Variants in HS6ST2 observed in about 807,000 individuals in gnomAD.
The protein encoded by HS6ST2 is heparan-sulfate 6-O-sulfotransferase 2.
Under a neutral mutation model 33.0 loss-of-function variants are expected in HS6ST2, and 17 were observed. The ratio of observed to expected loss-of-function variants is 0.52; its 90% confidence interval spans 0.35 to 0.77. The LOEUF is 0.77. Ranked by LOEUF, HS6ST2 falls within the 30% of genes least tolerant of loss-of-function variation. The pLI is 0.01. For missense variants in HS6ST2, 519 were observed against 551.7 expected (o/e 0.94, Z 0.59); for synonymous variants, 248 against 237.1 (o/e 1.05, Z -0.42).
At chrX:132,945,008 T>C (rs2066932758) in intron 2 of HS6ST2, among the ~76,000 whole-genome samples, 1 of 111,604 alleles carries the variant, frequency 9.0e-6, no homozygotes, top group Non-Finnish European at 1.9e-5. Flanking sequence ...ACAAATGATA[T>C]CTAATTAAAC....
intron 2 of HS6ST2, among the ~76,000 whole-genome samples, chrX:132,734,632 A>C (rs1216901655): frequency 8.9e-6 from 1 of 111,804 alleles, no homozygotes; most frequent in East Asian, 2.8e-4. Flanking sequence ...TCCTGGTTGT[A>C]ATAGGCACTC....
intron 3 of HS6ST2, among the ~76,000 whole-genome samples, chrX:132,690,246 T>C (rs1208236916): frequency 8.9e-6 from 1 of 112,368 alleles, no homozygotes; most frequent in African/African-American, 3.2e-5. Flanking sequence ...TTACTGGCCA[T>C]ACCAAAAACA....
chrX:132,799,179 T>C (rs147351855), intron 2 of HS6ST2, among the ~76,000 whole-genome samples: 1,377 of 110,092 alleles, frequency 0.013, 22 homozygotes, highest in African/African-American at 0.044. Context: ...TTGGGAAAAA[T>C]TGCAATGTTC....
chrX:132,880,710 G>C (rs1323373578), intron 2 of HS6ST2, among the ~76,000 whole-genome samples: 1 of 106,562 alleles, frequency 9.4e-6, no homozygotes, highest in Admixed American at 1.0e-4. Context: ...CATGTGCCAT[G>C]TTGGTGTGCT....
intron 2 of HS6ST2, among the ~76,000 whole-genome samples, chrX:132,884,775 G>A (rs1410650848): frequency 9.0e-6 from 1 of 111,378 alleles, no homozygotes; most frequent in Non-Finnish European, 1.9e-5. Flanking sequence ...CTAACAGCAT[G>A]GACTCAGAGG....
chrX:132,712,898 G>A (rs1377036943), intron 2 of HS6ST2, among the ~76,000 whole-genome samples: 2 of 110,628 alleles, frequency 1.8e-5, no homozygotes, highest in African/African-American at 6.6e-5. Flanking sequence ...GGTGGCAGGC[G>A]CCTGTATTCC....
chrX:132,816,273 C>A (rs1215296231), intron 2 of HS6ST2, among the ~76,000 whole-genome samples: 1 of 111,996 alleles, frequency 8.9e-6, no homozygotes. Context: ...GTTCTTCACA[C>A]TGTTTGAATT....
intron 2 of HS6ST2, among the ~76,000 whole-genome samples, chrX:132,777,572 A>G (rs1385365254): frequency 2.9e-5 from 3 of 105,184 alleles, no homozygotes; most frequent in Non-Finnish European, 5.8e-5. Flanking sequence ...CTGAGATTAC[A>G]GGCATGCCAC....
At chrX:132,811,664 AC>A (rs2065345445) in intron 2 of HS6ST2, among the ~76,000 whole-genome samples, 1 of 31,783 alleles carries the variant, frequency 3.1e-5, no homozygotes, top group Non-Finnish European at 5.0e-5. Flanking sequence ...CTGTGTCAGA[AC>A]TTTGTTTTAA....
chrX:132,949,935 C>T (rs1442971449), intron 2 of HS6ST2, among the ~76,000 whole-genome samples: 1 of 110,792 alleles, frequency 9.0e-6, no homozygotes, highest in Non-Finnish European at 1.9e-5. Context: ...CTCTTTTTCT[C>T]TTAGCATTAA....
intron 2 of HS6ST2, among the ~76,000 whole-genome samples, chrX:132,728,210 CAA>C (rs1233443802): frequency 3.6e-5 from 4 of 111,965 alleles, no homozygotes; most frequent in African/African-American, 1.3e-4. Context: ...GAGAAACTGC[CAA>C]AGTGTTTTCC....
At chrX:132,755,027 T>C (rs188229859) in intron 2 of HS6ST2, among the ~76,000 whole-genome samples, 1 of 111,660 alleles carries the variant, frequency 9.0e-6, no homozygotes, top group Admixed American at 9.5e-5. Context: ...TATACTCTTT[T>C]ACAAGGAAGT....
rs770900735 is a variant in HS6ST2, at chrX:132,655,133, T to C, written c.1067+13980A>G. On this transcript the variant is annotated intron_variant, in intron 4 of 4. Transcript: ENST00000370833. ...CCTCCTTCTTTCACATCCACCTCTC[T>C]ATGCCCACCCTGCCCCAGCATCTGG... Among the ~76,000 whole-genome samples the C allele has an allele frequency of 1.1e-4, 12 of 112,286 alleles. No homozygotes were observed. The East Asian group carries it at 2.8e-3, about 26-fold the overall frequency.
chrX:132,641,776 T>C (rs1489164182), intron 4 of HS6ST2, among the ~76,000 whole-genome samples: 3 of 112,971 alleles, frequency 2.7e-5, no homozygotes, highest in Non-Finnish European at 5.6e-5. Flanking sequence ...CATTTGTGCC[T>C]GAGCACAGCC....
intron 2 of HS6ST2, among the ~76,000 whole-genome samples, chrX:132,731,580 G>A (rs1375545519): frequency 9.0e-6 from 1 of 111,365 alleles, no homozygotes. Context: ...AGGCGCAGTG[G>A]CTCACGCCTA....
intron 2 of HS6ST2, among the ~76,000 whole-genome samples, chrX:132,721,948 G>T (rs768967037): frequency 7.0e-4 from 78 of 110,837 alleles, no homozygotes; most frequent in Non-Finnish European, 2.5e-4. Flanking sequence ...TAGCACTTTG[G>T]GAGGCCGAGA....
intron 2 of HS6ST2, among the ~76,000 whole-genome samples, chrX:132,934,467 T>C (rs1036140298): frequency 6.3e-5 from 7 of 111,784 alleles, no homozygotes; most frequent in Non-Finnish European, 1.3e-4. Flanking sequence ...TTTATAACAA[T>C]AACAGCACAA....
intron 2 of HS6ST2, among the ~76,000 whole-genome samples, chrX:132,814,979 T>A (rs2065382114): frequency 8.9e-6 from 1 of 112,227 alleles, no homozygotes; most frequent in Non-Finnish European, 1.9e-5. Context: ...ATACCCTTTA[T>A]GCTTCATACA....
intron 4 of HS6ST2, among the ~76,000 whole-genome samples, chrX:132,660,679 A>G (rs1246162062): frequency 2.7e-5 from 3 of 111,757 alleles, no homozygotes; most frequent in African/African-American, 9.7e-5. Flanking sequence ...TTCCCAAAAT[A>G]GCATCTTCGG....
Sources: gnomAD v4.1 joint callset for allele counts (sites outside exome capture counted in the v4.1 genomes callset) on GRCh38, gnomAD v4.1.1 for gene constraint, MANE v1.5 for transcripts, NCBI Gene and HGNC (gene_info 2026-07-23, HGNC 2026-07-21) for gene names.